The following DOCK9 variants were observed in gnomAD, a reference collection of about 807,000 sequenced individuals.
DOCK9 encodes dedicator of cytokinesis 9.
A neutral mutation model predicts 263.3 loss-of-function variants in DOCK9; 89 were observed. The ratio of observed to expected loss-of-function variants is 0.34; its 90% CI spans 0.28 to 0.40. DOCK9 has a LOEUF of 0.40. DOCK9 is among the 10% of genes least tolerant of loss of function. The pLI is 1.00. For missense variants in DOCK9, 2,140 were observed against 2,603.4 expected (o/e 0.82, Z 3.87); for synonymous variants, 976 against 973.1 (o/e 1.00, Z -0.06).
intron 37 of DOCK9, chr13:98,846,917 G>C (rs2093411067): frequency 3.5e-6 from 1 of 285,828 alleles, no homozygotes; most frequent in African/African-American, 2.2e-5. Flanking sequence ...ATAGAGCAGA[G>C]CATATCTTTC....
At chr13:98,823,235 C>T in intron 45 of DOCK9, among the ~76,000 whole-genome samples, 1 of 152,138 alleles carries the variant, frequency 6.6e-6, no homozygotes, top group East Asian at 1.9e-4. Flanking sequence ...TGCACACAGC[C>T]TGTTTGACAG....
At chr13:98,841,248 G>A (rs547523179) in intron 38 of DOCK9, among the ~76,000 whole-genome samples, 5 of 152,288 alleles carry the variant, frequency 3.3e-5, no homozygotes, top group South Asian at 2.1e-4. Context: ...GGAGGTAGGC[G>A]TCATACCATC....
intron 39 of DOCK9, 80 bp downstream of exon 39, chr13:98,837,414 A>C (rs573330802): frequency 1.2e-5 from 11 of 920,722 alleles, no homozygotes; most frequent in African/African-American, 9.9e-5. Flanking sequence ...CAACATAGTA[A>C]GTTTGTGCTC....
intron 1 of DOCK9, among the ~76,000 whole-genome samples, chr13:99,038,079 G>A (rs2142105481): frequency 6.6e-6 from 1 of 152,130 alleles, no homozygotes; most frequent in East Asian, 1.9e-4. Flanking sequence ...TTAAATATGT[G>A]CAGTTTAATG....
intron 34 of DOCK9, among the ~76,000 whole-genome samples, chr13:98,855,224 C>T (rs2093676836): frequency 6.6e-6 from 1 of 152,202 alleles, no homozygotes; most frequent in Non-Finnish European, 1.5e-5. Flanking sequence ...TGGCTTCAGA[C>T]CTAACACCCT....
At chr13:99,001,885 T>TTAGG (rs1882404891) in intron 1 of DOCK9, among the ~76,000 whole-genome samples, 1 of 152,198 alleles carries the variant, frequency 6.6e-6, no homozygotes, top group Non-Finnish European at 1.5e-5. Flanking sequence ...GGCAAGAATG[T>TTAGG]TAGGGCCCTA....
In DOCK9 at chr13:98,885,721, G is replaced by A. The variant is rs62637599; in HGVS notation, c.2247C>T (p.Val749=). 3.7e-5 allele frequency: 59 copies of A among 1,610,990 alleles called. No homozygotes were observed. Among genetic ancestry groups the A allele is most frequent in the African/African-American group, 3.5e-4 (26 of 74,898 alleles). The change falls in exon 20 of 53, where the codon GTC becomes GTT. Residue 749 remains valine, a synonymous_variant. Coordinates refer to ENST00000682017, the MANE Select transcript of DOCK9 (RefSeq NM_001366683.2). The stretch of plus-strand genomic sequence containing the variant: ...AGCCCCCCCAACCTTGGGTTTCAAC[G>A]ACATCCCTCTTCTTCGTGCTTCCTT... ...SSKGSTKKRD[V]VETQVGYSWL...
chr13:98,934,325 G>A (rs1454203337), intron 2 of DOCK9, among the ~76,000 whole-genome samples: 3 of 152,146 alleles, frequency 2.0e-5, no homozygotes, highest in Non-Finnish European at 2.9e-5. Context: ...TAGCCATAAA[G>A]AGGATATATA....
chr13:99,042,215 T>C (rs1888524837), intron 1 of DOCK9, among the ~76,000 whole-genome samples: 2 of 152,368 alleles, frequency 1.3e-5, no homozygotes, highest in African/African-American at 2.4e-5. Context: ...ACAGGTATTA[T>C]CTCTGTGCTA....
intron 1 of DOCK9, among the ~76,000 whole-genome samples, chr13:98,955,831 G>A (rs987043374): frequency 1.3e-4 from 20 of 152,234 alleles, no homozygotes; most frequent in African/African-American, 4.8e-4. Context: ...TCCCTGACTA[G>A]CTATGTCCCC....
chr13:98,878,813 A>G (rs1049290740), intron 27 of DOCK9, among the ~76,000 whole-genome samples: 7 of 152,228 alleles, frequency 4.6e-5, no homozygotes, highest in African/African-American at 1.7e-4. Context: ...GGCCTGAACC[A>G]TCAACCTTCT....
rs377756259 is a variant in DOCK9, at chr13:98,810,124, C to T, written c.5253+45G>A. The T allele has an allele frequency of 6.4e-5, 103 of 1,611,104 alleles. 1 individual carries two copies. Among genetic ancestry groups the T allele is most frequent in the South Asian group, 9.9e-5 (9 of 90,614 alleles). ...ATGCAGGTCTGGGTATATGTCACAG[C>T]GTCATGCTCTCAAATAGGAAAAAAA... On this transcript the variant is annotated intron_variant, in intron 46 of 52. Transcript: ENST00000682017.
At chr13:99,086,281 C>T (rs1186490315) in exon 1 of DOCK9, 5 of 1,496,620 alleles carry the variant, frequency 3.3e-6, no homozygotes, top group Non-Finnish European at 3.5e-6. Context: ...GGCCGCCGTG[C>T]CCGGCTTACT....
At chr13:98,961,348 G>T (rs1322822110) in intron 1 of DOCK9, among the ~76,000 whole-genome samples, 2 of 152,190 alleles carry the variant, frequency 1.3e-5, no homozygotes, top group East Asian at 1.9e-4. Context: ...CACTGTTTCT[G>T]ACACGAGCCA....
At chr13:98,809,212 TA>T in intron 47 of DOCK9, 139 bp downstream of exon 47, 1 of 1,246,598 alleles carries the variant, frequency 8.0e-7, no homozygotes, top group East Asian at 2.5e-5. Context: ...TCATACTAAA[TA>T]TGACAAATTC....
intron 36 of DOCK9, among the ~76,000 whole-genome samples, chr13:98,849,434 C>CT (rs34901221): frequency 0.25 from 37,127 of 148,340 alleles, 4,850 homozygotes; most frequent in East Asian, 0.42. Flanking sequence ...TGCAGAAATT[C>CT]TTTTTTTTTT....
intron 3 of DOCK9, 98 bp downstream of exon 3, chr13:98,930,070 C>T (rs1214507257): frequency 1.8e-6 from 2 of 1,088,944 alleles, no homozygotes; most frequent in Non-Finnish European, 2.7e-6. Context: ...TACAATTACC[C>T]TTTTGACACT....
intron 45 of DOCK9, among the ~76,000 whole-genome samples, chr13:98,818,043 T>C (rs1018835081): frequency 1.3e-5 from 2 of 152,218 alleles, no homozygotes; most frequent in Non-Finnish European, 2.9e-5. Flanking sequence ...AAATAAATGG[T>C]ATTATACACT....
chr13:99,078,354 A>C (rs4772171), intron 1 of DOCK9, among the ~76,000 whole-genome samples: 1 of 151,924 alleles, frequency 6.6e-6, no homozygotes, highest in South Asian at 2.1e-4. Flanking sequence ...TGTGGTGACT[A>C]CAACAAAAAG....
Sources: allele counts gnomAD v4.1 joint callset (sites outside exome capture counted in the v4.1 genomes callset), GRCh38; gene constraint gnomAD v4.1.1; transcripts MANE v1.5; gene names NCBI Gene and HGNC (gene_info 2026-07-23, HGNC 2026-07-21).